NME9: variants seen among roughly 807,000 people sequenced by gnomAD.
NME9 encodes the protein NME/NM23 family member 9, also known as thioredoxin domain-containing protein 6.
Under a neutral mutation model 44.4 loss-of-function variants are expected in NME9, and 48 were observed. That is an observed-to-expected ratio of 1.08 (90% CI 0.86 to 1.37). The LOEUF (loss-of-function observed/expected upper bound fraction) is 1.37, where lower values mean the gene tolerates loss of function less well. Ranked by LOEUF, NME9 falls within the 40% of genes most tolerant of loss-of-function variation. NME9 has a pLI of 0.00. For missense variants in NME9, 325 were observed against 405.2 expected (o/e 0.80, Z 1.70); for synonymous variants, 139 against 147.1 (o/e 0.94, Z 0.40).
At chr3:138,289,972 C>G (rs995338933) in intron 8 of NME9, among the ~76,000 whole-genome samples, 1 of 152,162 alleles carries the variant, frequency 6.6e-6, no homozygotes, top group African/African-American at 2.4e-5. Context: ...ATTCCGCCCA[C>G]AGACCTAGAT....
chr3:138,262,422 T>C, exon 9 of NME9: 1 of 1,183,562 alleles, frequency 8.4e-7, no homozygotes, highest in Non-Finnish European at 1.2e-6. Context: ...TAATAGATGA[T>C]ATTTTCCCTG....
intron 8 of NME9, among the ~76,000 whole-genome samples, chr3:138,293,602 T>A (rs2051195766): frequency 6.6e-6 from 1 of 151,344 alleles, no homozygotes; most frequent in African/African-American, 2.4e-5. Flanking sequence ...GTCAGATGAG[T>A]GTACCATCAA....
intron 8 of NME9, chr3:138,267,129 A>G (rs754106252): frequency 5.1e-6 from 6 of 1,183,194 alleles, no homozygotes; most frequent in Non-Finnish European, 6.0e-6. Context: ...CCAAATCATT[A>G]GTAGTATCCT....
At chr3:138,268,269 G>C (rs1416785071) in intron 8 of NME9, among the ~76,000 whole-genome samples, 2 of 152,102 alleles carry the variant, frequency 1.3e-5, no homozygotes, top group East Asian at 3.9e-4. Flanking sequence ...AAAAAAACAA[G>C]ATGGAGGTTC....
chr3:138,278,879 C>T (rs150813299), intron 8 of NME9, among the ~76,000 whole-genome samples: 4 of 152,196 alleles, frequency 2.6e-5, no homozygotes, highest in African/African-American at 4.8e-5. Context: ...ATAAAATTTT[C>T]GTATGTCAGT....
At chr3:138,307,267 G>T (rs543351553) in intron 6 of NME9, among the ~76,000 whole-genome samples, 1 of 152,320 alleles carries the variant, frequency 6.6e-6, no homozygotes, top group South Asian at 2.1e-4. Flanking sequence ...CAATGAGGGA[G>T]GTGCCACAGG....
intron 10 of NME9, among the ~76,000 whole-genome samples, chr3:138,303,013 G>A (rs1197539880): frequency 6.6e-6 from 1 of 152,240 alleles, no homozygotes; most frequent in Non-Finnish European, 1.5e-5. Flanking sequence ...CCCATGAAGG[G>A]AAGGTCCTAA....
At chr3:138,282,725 G>A (rs527300878) in intron 8 of NME9, among the ~76,000 whole-genome samples, 4 of 151,416 alleles carry the variant, frequency 2.6e-5, no homozygotes, top group Non-Finnish European at 5.9e-5. Context: ...GGAAAGCAAC[G>A]ATAATTCACT....
chr3:138,292,331 C>G (rs1019205217), intron 8 of NME9, among the ~76,000 whole-genome samples: 1 of 152,236 alleles, frequency 6.6e-6, no homozygotes, highest in Non-Finnish European at 1.5e-5. Flanking sequence ...TGAGCCACCA[C>G]GCCGGGCCCT....
chr3:138,329,367 G>T lies in NME9; in HGVS notation c.-32C>A, dbSNP rs1480334297. On this transcript the variant is annotated 5_prime_UTR_variant, in exon 1 of 11. Coordinates refer to ENST00000333911, the MANE Select transcript of NME9 (RefSeq NM_001349018.2). ...GCAAAGAAGACGAAGCCCTGTTACCGCGGCCGTGGGCCGTTCCCCCGCAGC... is the reference window on the plus strand; with the variant it reads ...GCAAAGAAGACGAAGCCCTGTTACCTCGGCCGTGGGCCGTTCCCCCGCAGC... 1 of 1,535,820 alleles carries T rather than the reference G, an allele frequency of 6.5e-7. No homozygotes were observed. Among genetic ancestry groups the T allele is most frequent in the South Asian group, 1.2e-5 (1 of 83,992 alleles).
intron 1 of NME9, 25 bp downstream of exon 1, chr3:138,329,278 G>A: frequency 6.5e-7 from 1 of 1,533,610 alleles, no homozygotes; most frequent in Non-Finnish European, 8.7e-7. Flanking sequence ...CCCAGAGCTG[G>A]AAGCTAGCGC....
rs963390532 is a variant in NME9 at position 138,329,561 on chromosome 3, G to A, written c.-226C>T. 2 of 1,319,986 alleles carry A rather than the reference G, an allele frequency of 1.5e-6. No homozygotes were observed. The highest frequency in any genetic ancestry group is 2.0e-5 in the South Asian group (1 of 49,216). The allele number at this position is 1,319,986 out of a possible 1,614,324, so 81.8% of individuals were successfully genotyped here. ...AGCGGAGCCTGCAGTCCACGGGCTC[G>A]TGGCTCGCCGGGCGGTTTTCTGGGG... On this transcript the variant is annotated 5_prime_UTR_variant, in exon 1 of 11. In the 5' UTR this introduces an upstream ATG that the reference lacks. Transcript: ENST00000333911.
intron 8 of NME9, among the ~76,000 whole-genome samples, chr3:138,277,424 C>T (rs1024721502): frequency 6.6e-6 from 1 of 152,210 alleles, no homozygotes; most frequent in African/African-American, 2.4e-5. Flanking sequence ...TGTAAAACTT[C>T]TGCGTCGTGA....
intron 8 of NME9, among the ~76,000 whole-genome samples, chr3:138,295,692 C>T (rs116609942): frequency 0.01 from 1,572 of 152,314 alleles, 25 homozygotes; most frequent in African/African-American, 0.036. Flanking sequence ...AGGTGTCTAC[C>T]CACTGCAGAT....
chr3:138,314,557 C>G (rs1487982784), intron 5 of NME9, 150 bp from the exon 6 acceptor site: 1 of 557,730 alleles, frequency 1.8e-6, no homozygotes, highest in Non-Finnish European at 3.2e-6. Flanking sequence ...TTTACAGGAC[C>G]CTTTTTGGTA....
At chr3:138,279,889 T>C (rs1361043024) in intron 8 of NME9, among the ~76,000 whole-genome samples, 1 of 152,128 alleles carries the variant, frequency 6.6e-6, no homozygotes, top group Non-Finnish European at 1.5e-5. Flanking sequence ...CCCTCTCTTG[T>C]TCTTTATATT....
intron 8 of NME9, among the ~76,000 whole-genome samples, chr3:138,292,563 G>C (rs767139764): frequency 1.3e-5 from 2 of 152,192 alleles, no homozygotes; most frequent in African/African-American, 4.8e-5. Flanking sequence ...ATGTTAAAGA[G>C]AGGAAAGGAA....
In NME9 at chr3:138,301,454, C is replaced by G. The variant is rs567735729; in HGVS notation, c.*186G>C. On this transcript the variant is annotated 3_prime_UTR_variant, in exon 11 of 11. Coordinates refer to ENST00000333911, the MANE Select transcript of NME9 (RefSeq NM_001349018.2). ...TCCTAATCTCAGGTGATCCACCTGC[C>G]TCGGCCTCCCAAAGTGCTGGGATTA... is the stretch of plus-strand genomic sequence containing the variant. The G allele has an allele frequency of 4.2e-6, 5 of 1,202,506 alleles. No homozygotes were observed. Among genetic ancestry groups the G allele is most frequent in the Non-Finnish European group, 5.5e-6 (5 of 908,944 alleles). The allele number at this position is 1,202,506 out of a possible 1,614,324, so 74.5% of individuals were successfully genotyped here. A position where few individuals can be genotyped will look rare whatever the true frequency, so the allele number is the denominator to read the frequency against.
At position 138,289,253 on chromosome 3, in the gene NME9, G is replaced by A. The variant is rs1435629905; in HGVS notation, c.745+14254C>T. On this transcript the variant is annotated intron_variant, in intron 8 of 8. Transcript: ENST00000317876. ...CCATCTGGCCCAAGCACCCTCTAGAGTTGCCCTGGTATGAGAATCAGTGGA... is the reference window on the plus strand; with the variant it reads ...CCATCTGGCCCAAGCACCCTCTAGAATTGCCCTGGTATGAGAATCAGTGGA... 5 of 675,884 alleles carry A rather than the reference G, an allele frequency of 7.4e-6. No homozygotes were observed. In the African/African-American group the frequency reaches 9.1e-5, roughly 12 times the overall value. 41.9% of individuals were successfully genotyped at this position (675,884 alleles called of 1,614,324 possible).
Sources: gnomAD v4.1 joint callset for allele counts (sites outside exome capture counted in the v4.1 genomes callset) on GRCh38, gnomAD v4.1.1 for gene constraint, MANE v1.5 for transcripts, NCBI Gene and HGNC (gene_info 2026-07-23, HGNC 2026-07-21) for gene names.